Variants in PDGFD observed in about 807,000 individuals in gnomAD.
PDGFD encodes the protein platelet derived growth factor D.
Under a neutral mutation model 44.7 loss-of-function variants are expected in PDGFD, and 30 were observed. The ratio of observed to expected loss-of-function variants is 0.67; its 90% CI spans 0.50 to 0.91. The LOEUF is 0.91. Ranked by LOEUF, PDGFD falls within the 40% of genes least tolerant of loss-of-function variation. PDGFD has a pLI of 0.00. For missense variants in PDGFD, 445 were observed against 457.8 expected, an observed-to-expected ratio of 0.97 and a Z score of 0.25; for synonymous variants, 173 against 168.4, an observed-to-expected ratio of 1.03 and a Z score of -0.21.
rs1270181614 is a variant in PDGFD at position 103,911,708 on chromosome 11, A to G, written c.988-1889T>C. 2.6e-5 allele frequency among the ~76,000 whole-genome samples: 4 copies of G among 152,100 alleles called. No homozygotes were observed. The East Asian group carries it at 7.8e-4, about 30-fold the overall frequency. On this transcript the variant is annotated intron_variant, in intron 6 of 6. Coordinates refer to ENST00000393158, the MANE Select transcript of PDGFD (RefSeq NM_025208.5). ...AGCTAAAGGAGCATGTTCTAACCCA[A>G]TGCAAGGAAGCTAAGAACCTTGAAA...
At position 103,980,096 on chromosome 11, in the gene PDGFD, A is replaced by G. The variant is rs180761979; in HGVS notation, c.510+15969T>C. Among the ~76,000 whole-genome samples, 66 of 152,226 alleles carry G rather than the reference A, an allele frequency of 4.3e-4. 1 individual carries two copies. The South Asian group carries it at 7.3e-3, about 17-fold the overall frequency. On this transcript the variant is annotated intron_variant, in intron 3 of 6. Coordinates refer to ENST00000393158, the MANE Select transcript of PDGFD (RefSeq NM_025208.5). ...CTATGGCTAAATGAAATAATTTTGTATTAGTTATTCATATTTCTTTTTTAT... is the reference window on the plus strand; with the variant it reads ...CTATGGCTAAATGAAATAATTTTGTGTTAGTTATTCATATTTCTTTTTTAT...
chr11:103,925,673 G>T (rs1246215466), intron 6 of PDGFD, among the ~76,000 whole-genome samples: 4 of 117,586 alleles, frequency 3.4e-5, no homozygotes, highest in Non-Finnish European at 6.7e-5. Flanking sequence ...ATGTGTGTGT[G>T]TCTGTGTATA....
At chr11:104,136,821 T>G (rs1862012036) in intron 1 of PDGFD, among the ~76,000 whole-genome samples, 1 of 152,204 alleles carries the variant, frequency 6.6e-6, no homozygotes, top group South Asian at 2.1e-4. Flanking sequence ...TATGAAGAAT[T>G]TGTCCTGTCT....
intron 1 of PDGFD, among the ~76,000 whole-genome samples, chr11:104,130,978 C>T (rs978654859): frequency 1.3e-5 from 2 of 152,078 alleles, no homozygotes; most frequent in South Asian, 4.1e-4. Context: ...ATTTTGAATT[C>T]TGATTATACA....
In PDGFD at chr11:103,923,535, T is replaced by C. The variant is rs141236654; in HGVS notation, c.987+3377A>G. ...TCACAGAAACTCATTTCACATCTCA[T>C]CAGTTGCAACCATGAGCTGGGGAAA... On this transcript the variant is annotated intron_variant, in intron 6 of 6. Coordinates refer to ENST00000393158, the MANE Select transcript of PDGFD (RefSeq NM_025208.5). Among the ~76,000 whole-genome samples, 833 of 152,304 alleles carry C rather than the reference T, an allele frequency of 5.5e-3. 5 individuals are homozygous for C. Among genetic ancestry groups the C allele is most frequent in the Non-Finnish European group, 7.2e-3 (490 of 68,032 alleles).
At chr11:104,056,585 G>C (rs1188226002) in intron 1 of PDGFD, among the ~76,000 whole-genome samples, 1 of 152,000 alleles carries the variant, frequency 6.6e-6, no homozygotes, top group Non-Finnish European at 1.5e-5. Flanking sequence ...GGAACACCAA[G>C]GATTCCTGAG....
At chr11:104,022,748 T>C (rs900865281) in intron 1 of PDGFD, among the ~76,000 whole-genome samples, 1 of 151,708 alleles carries the variant, frequency 6.6e-6, no homozygotes, top group Non-Finnish European at 1.5e-5. Context: ...ATATAATGTG[T>C]GTGTACATAT....
chr11:103,927,284 A>G (rs1015007875), intron 5 of PDGFD, among the ~76,000 whole-genome samples, 158 bp from the exon 6 acceptor site: 1 of 152,168 alleles, frequency 6.6e-6, no homozygotes, highest in African/African-American at 2.4e-5. Context: ...ACCTAAAGTA[A>G]AAGACCTAAT....
Position 104,150,497 on chromosome 11 carries a change from G to A in PDGFD, c.124+13307C>T, listed in dbSNP as rs565585291. On this transcript the variant is annotated intron_variant, in intron 1 of 6. Coordinates refer to ENST00000393158, the MANE Select transcript of PDGFD (RefSeq NM_025208.5). ...AGACCCTCTATTAGTTTCCTGTAGCGGCTGTAACAAATTGCACCAAATTTA... is the reference window on the plus strand; with the variant it reads ...AGACCCTCTATTAGTTTCCTGTAGCAGCTGTAACAAATTGCACCAAATTTA... Among the ~76,000 whole-genome samples, 8 of 152,122 alleles carry A rather than the reference G, an allele frequency of 5.3e-5. No homozygotes were observed. In the South Asian group the frequency reaches 6.2e-4, roughly 12 times the overall value.
At chr11:104,042,383 C>T (rs1201658833) in intron 1 of PDGFD, among the ~76,000 whole-genome samples, 1 of 152,176 alleles carries the variant, frequency 6.6e-6, no homozygotes, top group Non-Finnish European at 1.5e-5. Context: ...AAAAATGGAG[C>T]TTGCAGTCTT....
At chr11:103,921,503 C>T (rs75003251) in intron 6 of PDGFD, among the ~76,000 whole-genome samples, 25 of 151,606 alleles carry the variant, frequency 1.6e-4, no homozygotes, top group African/African-American at 5.3e-4. Context: ...TACAGATGCT[C>T]GTTGACTTAT....
At chr11:103,930,974 T>C (rs987325686) in intron 5 of PDGFD, among the ~76,000 whole-genome samples, 1 of 152,200 alleles carries the variant, frequency 6.6e-6, no homozygotes, top group Non-Finnish European at 1.5e-5. Context: ...TTTGTCCTCA[T>C]TTCTCCTTGA....
chr11:104,109,163 C>T (rs190377303), intron 1 of PDGFD, among the ~76,000 whole-genome samples: 7 of 151,812 alleles, frequency 4.6e-5, no homozygotes, highest in African/African-American at 1.7e-4. Flanking sequence ...AACAAACCTG[C>T]ACGATATGCA....
chr11:104,152,197 G>T (rs1326646025), intron 1 of PDGFD, among the ~76,000 whole-genome samples: 1 of 152,154 alleles, frequency 6.6e-6, no homozygotes, highest in Non-Finnish European at 1.5e-5. Flanking sequence ...GGCCACAGTG[G>T]TTCTTCCTGA....
chr11:103,923,866 T>C (rs1401877571), intron 6 of PDGFD, among the ~76,000 whole-genome samples: 1 of 152,202 alleles, frequency 6.6e-6, no homozygotes, highest in Non-Finnish European at 1.5e-5. Flanking sequence ...TGCAGAGTTC[T>C]AGAAGTAAAA....
At position 103,948,224 on chromosome 11, in the gene PDGFD, T is replaced by C. The variant is rs150224796; in HGVS notation, c.511-500A>G. Among the ~76,000 whole-genome samples the C allele has an allele frequency of 1.2e-4, 19 of 152,304 alleles. No homozygotes were observed. In the East Asian group the frequency reaches 3.1e-3, roughly 25 times the overall value. On this transcript the variant is annotated intron_variant, in intron 3 of 6. Coordinates refer to ENST00000393158, the MANE Select transcript of PDGFD (RefSeq NM_025208.5). Reference sequence around the variant, plus strand: ...TCTTGCCTGCTGACCTGGTCCAAAATATTGGTGATCTTTTCAACGATACAC... The same window carrying C: ...TCTTGCCTGCTGACCTGGTCCAAAACATTGGTGATCTTTTCAACGATACAC...
At chr11:104,048,596 T>C (rs1270598550) in intron 1 of PDGFD, among the ~76,000 whole-genome samples, 1 of 152,150 alleles carries the variant, frequency 6.6e-6, no homozygotes, top group Non-Finnish European at 1.5e-5. Flanking sequence ...ATATTCTAAG[T>C]CACCTCTTTT....
intron 1 of PDGFD, among the ~76,000 whole-genome samples, chr11:104,034,221 G>T (rs1388605292): frequency 1.3e-5 from 2 of 151,664 alleles, no homozygotes; most frequent in African/African-American, 4.8e-5. Flanking sequence ...CCTTCAATTT[G>T]TGTGTGTGCA....
intron 4 of PDGFD, among the ~76,000 whole-genome samples, chr11:103,944,947 A>AT (rs149836079): frequency 1.9e-3 from 284 of 148,766 alleles, no homozygotes; most frequent in African/African-American, 5.9e-3. Context: ...GGCCAGCTCC[A>AT]TTTTTTTTTT....
Sources: gnomAD v4.1 joint callset for allele counts (sites outside exome capture counted in the v4.1 genomes callset) on GRCh38, gnomAD v4.1.1 for gene constraint, MANE v1.5 for transcripts, NCBI Gene and HGNC (gene_info 2026-07-23, HGNC 2026-07-21) for gene names.